The following JMJD1C variants were observed in gnomAD, a reference collection of about 807,000 sequenced individuals.
JMJD1C encodes the protein jumonji domain containing 1C, also known as jumonji domain-containing protein 1C.
In JMJD1C, 31 loss-of-function variants were observed where a neutral mutation model predicts 245.3. The observed-to-expected ratio is 0.13, with a 90% CI of 0.09 to 0.17. The LOEUF is 0.17. Ranked by LOEUF, JMJD1C falls within the 10% of genes least tolerant of loss-of-function variation. The pLI, the probability that JMJD1C is intolerant of heterozygous loss-of-function variation, is 1.00. For synonymous variants in JMJD1C, 1,057 were observed against 1,017.4 expected (o/e 1.04, Z -0.74); for missense variants, 2,691 against 3,000.2 (o/e 0.90, Z 2.41).
At chr10:63,427,985 T>G in intron 1 of JMJD1C, 1 of 692,992 alleles carries the variant, frequency 1.4e-6, no homozygotes, top group South Asian at 1.5e-5. Flanking sequence ...TCCCAGACAG[T>G]TTGGCTTAGC....
intron 1 of JMJD1C, chr10:63,427,615 G>A (rs1235222628): frequency 6.5e-6 from 9 of 1,393,098 alleles, no homozygotes; most frequent in Non-Finnish European, 8.1e-6. Flanking sequence ...CCGGCTGATG[G>A]TGGTGGAGAA....
At chr10:63,494,648 A>G (rs904113069) in intron 1 of JMJD1C, among the ~76,000 whole-genome samples, 1 of 152,258 alleles carries the variant, frequency 6.6e-6, no homozygotes, top group Non-Finnish European at 1.5e-5. Flanking sequence ...TTTCCCTTTT[A>G]GAAATCTTGT....
At chr10:63,497,343 T>G (rs983670278) in intron 1 of JMJD1C, among the ~76,000 whole-genome samples, 2 of 152,186 alleles carry the variant, frequency 1.3e-5, no homozygotes, top group Non-Finnish European at 2.9e-5. Flanking sequence ...AGTAATAAAA[T>G]GAAGTACCAA....
chr10:63,400,145 C>G (rs1324066252), intron 1 of JMJD1C, among the ~76,000 whole-genome samples: 1 of 152,124 alleles, frequency 6.6e-6, no homozygotes. Context: ...TTTATTCAAT[C>G]AGAACCCTAA....
chr10:63,308,085 A>G (rs1361312734), intron 2 of JMJD1C, among the ~76,000 whole-genome samples: 2 of 152,232 alleles, frequency 1.3e-5, no homozygotes, highest in East Asian at 1.9e-4. Flanking sequence ...CAGTAGGTGA[A>G]GGCTGCAGTG....
Position 63,280,138 on chromosome 10 carries a change from G to A in JMJD1C, c.334-15374C>T, listed in dbSNP as rs565505856. On this transcript the variant is annotated intron_variant, in intron 2 of 25. Transcript: ENST00000399262. ...TGCACTCAAGTCTGGGTGACAGGGC[G>A]AGACTTCATATCAATTTAAAAAAAA... Among the ~76,000 whole-genome samples the A allele has an allele frequency of 9.9e-5, 15 of 152,216 alleles. 1 individual carries two copies. Among genetic ancestry groups the A allele is most frequent in the African/African-American group, 2.4e-4 (10 of 41,532 alleles).
chr10:63,264,919 T>C (rs1283058568), intron 2 of JMJD1C, among the ~76,000 whole-genome samples, 155 bp from the exon 3 acceptor site: 3 of 152,210 alleles, frequency 2.0e-5, no homozygotes, highest in Non-Finnish European at 4.4e-5. Flanking sequence ...AATGCTTTTA[T>C]CTACACCATA....
chr10:63,235,174 A>G (rs547956775), intron 3 of JMJD1C, among the ~76,000 whole-genome samples: 21 of 152,328 alleles, frequency 1.4e-4, no homozygotes, highest in African/African-American at 3.6e-4. Context: ...GCCTTATTCT[A>G]TAAGTATTTT....
At chr10:63,399,684 T>C (rs1948732600) in intron 1 of JMJD1C, among the ~76,000 whole-genome samples, 2 of 152,116 alleles carry the variant, frequency 1.3e-5, no homozygotes, top group African/African-American at 4.8e-5. Context: ...GCATATATAA[T>C]TAAATCACTA....
rs750958010 is a variant in JMJD1C, at chr10:63,215,293, CCTT to C, written c.982_984del (p.Lys328del). Reference sequence around the variant, plus strand: ...CGTGATATATAATCATATTTTTCCTCCTTCATCTTCTCTTCATCTGGTATACTG... The same window carrying C: ...CGTGATATATAATCATATTTTTCCTCCATCTTCTCTTCATCTGGTATACTG... On this transcript the variant is annotated inframe_deletion, in exon 7 of 26. Coordinates refer to ENST00000399262, the MANE Select transcript of JMJD1C (RefSeq NM_032776.3). 3.3e-4 allele frequency: 528 copies of C among 1,607,260 alleles called. 4 individuals carry two copies. The highest frequency in any genetic ancestry group is 5.9e-5 in the Non-Finnish European group (69 of 1,175,388).
chr10:63,458,731 A>ATTTT (rs71463523), intron 1 of JMJD1C, among the ~76,000 whole-genome samples: 46 of 145,448 alleles, frequency 3.2e-4, no homozygotes, highest in East Asian at 1.2e-3. Context: ...TTATTTATTT[A>ATTTT]TTTTTTTTTT....
In JMJD1C at chr10:63,400,953, C is replaced by T. The variant is rs1296468247; in HGVS notation, c.169-20471G>A. 2.0e-5 allele frequency among the ~76,000 whole-genome samples: 3 copies of T among 151,928 alleles called. No individual in the cohort carries two copies. In the East Asian group the frequency reaches 5.8e-4, roughly 29 times the overall value. ...GGAGTGCACTGCAACCTCCGCCTCC[C>T]GGGTTCAAGCAGTTCTCCCTTCAGC... On this transcript the variant is annotated intron_variant, in intron 1 of 25. Transcript: ENST00000399262.
chr10:63,306,516 G>A (rs1284905381), intron 2 of JMJD1C, among the ~76,000 whole-genome samples: 5 of 152,180 alleles, frequency 3.3e-5, no homozygotes, highest in Non-Finnish European at 7.3e-5. Flanking sequence ...GTTGTGAGAT[G>A]AAACCAGATT....
intron 1 of JMJD1C, among the ~76,000 whole-genome samples, chr10:63,435,029 C>A (rs566389420): frequency 6.6e-6 from 1 of 152,156 alleles, no homozygotes; most frequent in South Asian, 2.1e-4. Context: ...ACATTGTCTG[C>A]GAAATAGCCT....
chr10:63,185,539 G>C (rs754282649), intron 20 of JMJD1C, 24 bp downstream of exon 20: 2 of 1,357,612 alleles, frequency 1.5e-6, no homozygotes, highest in Admixed American at 1.7e-5. Flanking sequence ...AAAAAGTCAA[G>C]AGTCAAAATG....
At chr10:63,310,539 T>C (rs1367665585) in intron 2 of JMJD1C, among the ~76,000 whole-genome samples, 1 of 152,204 alleles carries the variant, frequency 6.6e-6, no homozygotes, top group African/African-American at 2.4e-5. Context: ...GCAGATTACT[T>C]AGTAAGTGCT....
chr10:63,279,349 G>A (rs1053293133), intron 2 of JMJD1C, among the ~76,000 whole-genome samples: 3 of 152,134 alleles, frequency 2.0e-5, no homozygotes, highest in Admixed American at 6.5e-5. Context: ...ATCTGGAATT[G>A]TATCCATTGA....
chr10:63,432,222 T>TAA (rs1950800989), intron 1 of JMJD1C, among the ~76,000 whole-genome samples: 2 of 152,168 alleles, frequency 1.3e-5, no homozygotes, highest in African/African-American at 4.8e-5. Context: ...CTGATGTATG[T>TAA]AAAAGCATGA....
chr10:63,495,682 T>C (rs1954339331), intron 1 of JMJD1C, among the ~76,000 whole-genome samples: 1 of 147,518 alleles, frequency 6.8e-6, no homozygotes, highest in Non-Finnish European at 1.5e-5. Flanking sequence ...CTGAGACAGG[T>C]GGGAGGCGGA....
Sources: allele counts gnomAD v4.1 joint callset (sites outside exome capture counted in the v4.1 genomes callset), GRCh38; gene constraint gnomAD v4.1.1; transcripts MANE v1.5; gene names NCBI Gene and HGNC (gene_info 2026-07-23, HGNC 2026-07-21).